Variants in MAGI2 observed in about 807,000 individuals in gnomAD.
MAGI2 encodes the protein membrane-associated guanylate kinase, WW and PDZ domain-containing protein 2.
In MAGI2, 35 loss-of-function variants were observed where a neutral mutation model predicts 133.3. The observed-to-expected ratio is 0.26, with a 90% CI of 0.20 to 0.35. MAGI2 has a LOEUF of 0.35. Among genes scored for constraint, MAGI2 ranks in the 10% least tolerant of loss-of-function variants. The pLI, the probability that MAGI2 is intolerant of heterozygous loss-of-function variation, is 1.00. For synonymous variants in MAGI2, 729 were observed against 710.6 expected, an observed-to-expected ratio of 1.03 and a Z score of -0.41; for missense variants, 1,636 against 1,863.4, an observed-to-expected ratio of 0.88 and a Z score of 2.25.
At chr7:78,678,763 A>C (rs972706426) in intron 2 of MAGI2, among the ~76,000 whole-genome samples, 1 of 152,158 alleles carries the variant, frequency 6.6e-6, no homozygotes, top group Non-Finnish European at 1.5e-5. Context: ...TAGACTCATT[A>C]TGTGAATTTT....
intron 21 of MAGI2, among the ~76,000 whole-genome samples, chr7:78,056,843 A>G (rs1812626556): frequency 6.6e-6 from 1 of 151,860 alleles, no homozygotes; most frequent in African/African-American, 2.4e-5. Context: ...AAGAAATTCC[A>G]CTGTACGTAG....
chr7:78,519,482 A>T (rs141264337), intron 4 of MAGI2, among the ~76,000 whole-genome samples: 19 of 152,288 alleles, frequency 1.2e-4, no homozygotes, highest in Admixed American at 2.6e-4. Flanking sequence ...TTGAAAACCT[A>T]GAGTTGGCTA....
chr7:79,425,253 G>GA (rs398047789), intron 1 of MAGI2, among the ~76,000 whole-genome samples: 176 of 125,446 alleles, frequency 1.4e-3, no homozygotes, highest in East Asian at 5.0e-3. Flanking sequence ...CTCCGTCTCA[G>GA]AAAAAAAAAA....
chr7:78,116,648 G>A (rs1819895686), intron 20 of MAGI2, among the ~76,000 whole-genome samples: 1 of 152,186 alleles, frequency 6.6e-6, no homozygotes, highest in Admixed American at 6.5e-5. Context: ...GGAGGCTGAA[G>A]CAGTAGTATT....
At chr7:78,697,936 A>G (rs1817681833) in intron 2 of MAGI2, among the ~76,000 whole-genome samples, 2 of 152,192 alleles carry the variant, frequency 1.3e-5, no homozygotes, top group African/African-American at 2.4e-5. Context: ...TAAGATTGTT[A>G]AAGGATTTTC....
intron 6 of MAGI2, among the ~76,000 whole-genome samples, chr7:78,392,729 C>T (rs111491860): frequency 2.0e-4 from 31 of 152,238 alleles, no homozygotes; most frequent in African/African-American, 6.3e-4. Flanking sequence ...CTGCAACCTC[C>T]GCCTCCCAGT....
At chr7:78,994,947 A>G (rs950503603) in intron 2 of MAGI2, among the ~76,000 whole-genome samples, 12 of 152,254 alleles carry the variant, frequency 7.9e-5, no homozygotes, top group African/African-American at 2.9e-4. Flanking sequence ...ATAAAATTTT[A>G]TATCGTTAGA....
At chr7:78,637,432 A>T (rs1236962895) in intron 2 of MAGI2, among the ~76,000 whole-genome samples, 1 of 118,592 alleles carries the variant, frequency 8.4e-6, no homozygotes, top group Non-Finnish European at 2.0e-5. Flanking sequence ...ATAATATGTT[A>T]AAAAAAAAAA....
At chr7:79,359,816 T>C (rs956376101) in intron 1 of MAGI2, among the ~76,000 whole-genome samples, 6 of 151,790 alleles carry the variant, frequency 4.0e-5, no homozygotes, top group Non-Finnish European at 4.4e-5. Flanking sequence ...AAAACTAAAA[T>C]AATTTGTTGC....
At chr7:79,099,132 G>A (rs889666131) in intron 1 of MAGI2, among the ~76,000 whole-genome samples, 1 of 151,906 alleles carries the variant, frequency 6.6e-6, no homozygotes, top group Non-Finnish European at 1.5e-5. Flanking sequence ...TCCCTTTAGC[G>A]ATTTCAGTTA....
chr7:78,878,344 G>C (rs777829917), intron 2 of MAGI2, among the ~76,000 whole-genome samples: 7 of 152,036 alleles, frequency 4.6e-5, no homozygotes, highest in Non-Finnish European at 1.0e-4. Context: ...TTTTACACTG[G>C]ACCTTGTGAA....
At chr7:78,585,355 C>CA (rs1317336035) in intron 3 of MAGI2, among the ~76,000 whole-genome samples, 1 of 152,068 alleles carries the variant, frequency 6.6e-6, no homozygotes, top group Non-Finnish European at 1.5e-5. Flanking sequence ...TTTTCTCTTC[C>CA]AAATAGGCAC....
chr7:78,507,498 G>C (rs1795191833), intron 4 of MAGI2, among the ~76,000 whole-genome samples: 1 of 152,078 alleles, frequency 6.6e-6, no homozygotes, highest in Non-Finnish European at 1.5e-5. Flanking sequence ...ACCTCTTCTG[G>C]GCAGAGTGAG....
At chr7:79,407,962 G>T (rs1340083453) in intron 1 of MAGI2, among the ~76,000 whole-genome samples, 1 of 152,008 alleles carries the variant, frequency 6.6e-6, no homozygotes, top group East Asian at 1.9e-4. Context: ...AGACTAAAAT[G>T]TACTTTTGTA....
At chr7:78,043,285 C>T (rs1387500506) in intron 21 of MAGI2, among the ~76,000 whole-genome samples, 2 of 152,100 alleles carry the variant, frequency 1.3e-5, no homozygotes, top group Non-Finnish European at 2.9e-5. Context: ...AAAATTGATA[C>T]AAAGGGCCTT....
At chr7:79,443,132 T>C (rs893279231) in intron 1 of MAGI2, among the ~76,000 whole-genome samples, 2 of 151,622 alleles carry the variant, frequency 1.3e-5, no homozygotes, top group African/African-American at 4.8e-5. Flanking sequence ...ATTAGCCGGG[T>C]GTGATGGTGG....
At position 78,256,688 on chromosome 7, in the gene MAGI2, C is replaced by T. The variant is rs1346517735; in HGVS notation, c.1409-107G>A. ...GTGAGAGGTGTTGTTTCTTAGTAAG[C>T]AGTGAGAAATCAATTAGAATAATAC... On this transcript the variant is annotated intron_variant, in intron 9 of 21. Transcript: ENST00000354212. 10 of 909,210 alleles carry T rather than the reference C, an allele frequency of 1.1e-5. No homozygotes were observed. The Admixed American group carries it at 2.1e-4, about 19-fold the overall frequency. 56.3% of individuals were successfully genotyped at this position (909,210 alleles called of 1,614,324 possible).
intron 2 of MAGI2, among the ~76,000 whole-genome samples, chr7:78,786,565 C>A (rs1826836686): frequency 2.6e-5 from 4 of 152,174 alleles, no homozygotes; most frequent in Admixed American, 2.6e-4. Flanking sequence ...TCCTGACAGC[C>A]CTTCTAAAAC....
At chr7:78,023,530 A>G (rs537888530) in intron 21 of MAGI2, among the ~76,000 whole-genome samples, 9 of 152,328 alleles carry the variant, frequency 5.9e-5, no homozygotes, top group African/African-American at 1.9e-4. Flanking sequence ...ATTAGAAATA[A>G]TAGAGACCCA....
Sources: gnomAD v4.1 joint callset for allele counts (sites outside exome capture counted in the v4.1 genomes callset) on GRCh38, gnomAD v4.1.1 for gene constraint, MANE v1.5 for transcripts, NCBI Gene and HGNC (gene_info 2026-07-23, HGNC 2026-07-21) for gene names.